Variants in DOCK8 observed in about 807,000 individuals in gnomAD.
The protein encoded by DOCK8 is dedicator of cytokinesis protein 8.
DOCK8 carries 141 observed loss-of-function variants against 245.6 expected under a neutral mutation model. The observed-to-expected ratio is 0.57, with a 90% CI of 0.50 to 0.66. DOCK8 has a LOEUF of 0.66. Ranked by LOEUF, DOCK8 falls within the 30% of genes least tolerant of loss-of-function variation. The probability of loss-of-function intolerance (pLI) is 0.00; values close to 1 mark genes in which losing one functional copy is unlikely to be tolerated. For missense variants in DOCK8, 2,965 were observed against 2,603.4 expected, an observed-to-expected ratio of 1.14 and a Z score of -3.02; for synonymous variants, 1,168 against 970.2, an observed-to-expected ratio of 1.20 and a Z score of -3.79.
chr9:379,196 G>A (rs1043993026), intron 20 of DOCK8, among the ~76,000 whole-genome samples: 4 of 152,170 alleles, frequency 2.6e-5, no homozygotes, highest in African/African-American at 4.8e-5. Context: ...AACTATAGAG[G>A]CTTAGGGCAC....
intron 14 of DOCK8, among the ~76,000 whole-genome samples, chr9:358,181 C>T (rs534425116): frequency 6.6e-6 from 1 of 152,228 alleles, no homozygotes; most frequent in East Asian, 1.9e-4. Context: ...AACTCCTGGA[C>T]TCAAGTGATC....
intron 2 of DOCK8, among the ~76,000 whole-genome samples, chr9:280,346 C>G (rs2048524832): frequency 6.6e-6 from 1 of 152,044 alleles, no homozygotes; most frequent in Admixed American, 6.6e-5. Context: ...CTGTAGGACC[C>G]CAGTGTAGTG....
intron 12 of DOCK8, 60 bp downstream of exon 12, chr9:336,778 C>T: frequency 6.2e-7 from 1 of 1,602,606 alleles, no homozygotes; most frequent in Non-Finnish European, 8.5e-7. Context: ...GGCACTGGAA[C>T]CCACAGGAGG....
At chr9:342,297 CTTTTTTTTT>C (rs34071975) in intron 14 of DOCK8, among the ~76,000 whole-genome samples, 21 of 124,422 alleles carry the variant, frequency 1.7e-4, no homozygotes, top group Admixed American at 5.8e-4. Context: ...TTTCTTTTTT[CTTTTTTTTT>C]TTTTTTTTGT....
At chr9:376,618 C>T (rs1276380280) in intron 19 of DOCK8, among the ~76,000 whole-genome samples, 1 of 152,118 alleles carries the variant, frequency 6.6e-6, no homozygotes, top group African/African-American at 2.4e-5. Flanking sequence ...GCCACTTTGC[C>T]AGCTTTTAAA....
chr9:256,174 A>G (rs934588111), intron 1 of DOCK8, among the ~76,000 whole-genome samples: 2 of 152,226 alleles, frequency 1.3e-5, no homozygotes, highest in African/African-American at 4.8e-5. Context: ...TGGATAGATC[A>G]CAAGAACGAG....
At chr9:212,925 G>C (rs760198003), upstream of DOCK8, 7 of 152,170 alleles carry the variant, frequency 4.6e-5, no homozygotes, top group Non-Finnish European at 7.3e-5. Flanking sequence ...GAGTTCATCC[G>C]AAAGGCTGAC....
At chr9:368,812 CT>C (rs1410341408) in intron 15 of DOCK8, 14 of 104,934 alleles carry the variant, frequency 1.3e-4, no homozygotes, top group African/African-American at 4.2e-4. Flanking sequence ...AACTTTCTTT[CT>C]TTTTTTCTTT....
intron 12 of DOCK8, 87 bp from the exon 13 acceptor site, chr9:338,919 A>T: frequency 1.8e-6 from 2 of 1,082,822 alleles, no homozygotes; most frequent in Non-Finnish European, 2.8e-6. Flanking sequence ...AATAAAACTT[A>T]AAGGTAAAAA....
chr9:444,335 A>AAATAATAATAATAATAATAATAATAAT (rs139606153), intron 43 of DOCK8, among the ~76,000 whole-genome samples: 1 of 143,622 alleles, frequency 7.0e-6, no homozygotes, highest in Non-Finnish European at 1.5e-5. Context: ...AAAACAAAGC[A>AAATAATAATAATAATAATAATAATAAT]AATAATAATA....
At chr9:254,517 C>T (rs927640216) in intron 1 of DOCK8, among the ~76,000 whole-genome samples, 1 of 152,090 alleles carries the variant, frequency 6.6e-6, no homozygotes, top group Admixed American at 6.6e-5. Flanking sequence ...CTTTGTCTTT[C>T]CTCTTTGTTA....
chr9:427,021 A>G lies in DOCK8; in HGVS notation c.4338+40A>G, dbSNP rs1488130948. On this transcript the variant is annotated intron_variant, in intron 34 of 47. Transcript: ENST00000432829. ...CACCCAATCTGATTTGTTGGCCATG[A>G]ATATGTTTACTAGAATAAGGACTTC... is the stretch of plus-strand genomic sequence containing the variant. 3.9e-6 allele frequency: 6 copies of G among 1,554,114 alleles called. No individual in the cohort carries two copies. The South Asian group carries it at 4.5e-5, about 12-fold the overall frequency.
At chr9:400,969 C>CACCA (rs1564016939) in intron 26 of DOCK8, among the ~76,000 whole-genome samples, 1 of 145,558 alleles carries the variant, frequency 6.9e-6, no homozygotes, top group African/African-American at 2.6e-5. Context: ...CCACCACCTC[C>CACCA]TCCACCATCA....
rs745989068 is a variant in DOCK8 at position 435,017 on chromosome 9, A to G, written c.5079+42A>G. The G allele has an allele frequency of 1.4e-5, 22 of 1,605,456 alleles. No homozygotes were observed. In the Admixed American group the frequency reaches 1.9e-4, roughly 14 times the overall value. ...TTTTCCCTTAGAGCAGTGGTTCTCAACTGGGGCGATTTTGTCCCCCAGCCC... is the reference window on the plus strand; with the variant it reads ...TTTTCCCTTAGAGCAGTGGTTCTCAGCTGGGGCGATTTTGTCCCCCAGCCC... On this transcript the variant is annotated intron_variant, in intron 39 of 47. Coordinates refer to ENST00000432829, the MANE Select transcript of DOCK8 (RefSeq NM_203447.4).
chr9:213,653 G>A (rs192980808), upstream of DOCK8: 1 of 152,068 alleles, frequency 6.6e-6, no homozygotes, highest in Admixed American at 6.5e-5. Context: ...ATAATGCCGA[G>A]TGGTCAATAG....
intron 14 of DOCK8, among the ~76,000 whole-genome samples, chr9:348,551 A>G (rs2052012451): frequency 6.6e-6 from 1 of 152,214 alleles, no homozygotes; most frequent in Non-Finnish European, 1.5e-5. Context: ...CCCTGTTTCT[A>G]CATGAGTTGC....
At chr9:457,780 G>T (rs113115539) in intron 46 of DOCK8, among the ~76,000 whole-genome samples, 52 of 152,314 alleles carry the variant, frequency 3.4e-4, no homozygotes, top group African/African-American at 1.2e-3. Context: ...GGTCTGTCAG[G>T]CATAATAACG....
At chr9:235,578 TA>T (rs1271762099) in intron 1 of DOCK8, among the ~76,000 whole-genome samples, 10 of 152,174 alleles carry the variant, frequency 6.6e-5, no homozygotes, top group South Asian at 2.1e-4. Flanking sequence ...TTTGTTTACC[TA>T]ATCAAACAAC....
chr9:353,975 T>C (rs947892849), intron 14 of DOCK8, among the ~76,000 whole-genome samples: 1 of 152,198 alleles, frequency 6.6e-6, no homozygotes, highest in Non-Finnish European at 1.5e-5. Flanking sequence ...CTTTTAGAAA[T>C]TCTCATGTTC....
Sources: gnomAD v4.1 joint callset for allele counts (sites outside exome capture counted in the v4.1 genomes callset) on GRCh38, gnomAD v4.1.1 for gene constraint, MANE v1.5 for transcripts, NCBI Gene and HGNC (gene_info 2026-07-23, HGNC 2026-07-21) for gene names.